The following ATL1 variants were observed in gnomAD, a reference collection of about 807,000 sequenced individuals.
The protein encoded by ATL1 is atlastin-1.
A neutral mutation model predicts 75.5 loss-of-function variants in ATL1; 31 were observed. The observed-to-expected ratio is 0.41, with a 90% confidence interval of 0.31 to 0.55. The LOEUF (loss-of-function observed/expected upper bound fraction) is 0.55. ATL1 is among the 20% of genes least tolerant of loss of function. The pLI, the probability that ATL1 is intolerant of heterozygous loss-of-function variation, is 0.27. For missense variants in ATL1, 405 were observed against 662.6 expected (o/e 0.61, Z 4.27); for synonymous variants, 226 against 233.3 (o/e 0.97, Z 0.28).
At chr14:50,609,175 G>T (rs1229912604) in intron 6 of ATL1, among the ~76,000 whole-genome samples, 1 of 152,038 alleles carries the variant, frequency 6.6e-6, no homozygotes, top group Non-Finnish European at 1.5e-5. Context: ...TTGTTCCCAT[G>T]ACCCTTAATG....
At chr14:50,620,577 A>G (rs1163749108) in intron 8 of ATL1, 22 bp from the exon 9 acceptor site, 4 of 1,607,670 alleles carry the variant, frequency 2.5e-6, no homozygotes, top group Admixed American at 3.3e-5. Flanking sequence ...AAAAATAATA[A>G]TGGATTTGCT....
chr14:50,628,212 A>G lies in ATL1; in HGVS notation c.1301A>G (p.Lys434Arg). Reference sequence around the variant, plus strand: ...GATGAACTTTACATCCAATATATCAAGCACAATGATAGCAAAAATATCTTC... The same window carrying G: ...GATGAACTTTACATCCAATATATCAGGCACAATGATAGCAAAAATATCTTC... ...EIDELYIQYI[K>R]HNDSKNIFHA... is the part of the protein sequence containing the mutation. Residue 434 changes from lysine to arginine, a missense_variant, in exon 12 of 14, where the codon AAG becomes AGG. Lys to Arg is a conservative substitution (Grantham distance 26). Transcript: ENST00000358385. 1 of 1,614,224 alleles carries G rather than the reference A, an allele frequency of 6.2e-7. No individual in the cohort carries two copies. Among genetic ancestry groups the G allele is most frequent in the Non-Finnish European group, 8.5e-7 (1 of 1,180,028 alleles).
rs112767730 is a variant in ATL1 at position 50,603,591 on chromosome 14, G to A, written c.630+7959G>A. 5.0e-3 allele frequency among the ~76,000 whole-genome samples: 754 copies of A among 152,270 alleles called. 2 individuals are homozygous for A. The highest frequency in any genetic ancestry group is 7.3e-3 in the Non-Finnish European group (496 of 68,018). On this transcript the variant is annotated intron_variant, in intron 6 of 13. Transcript: ENST00000358385. The stretch of plus-strand genomic sequence containing the variant: ...GACAATTAGGAATTATTTTACTCTA[G>A]TTTGCTTAATTATGTTTGAGGACCC...
At chr14:50,550,766 A>G (rs1233465979) in intron 1 of ATL1, among the ~76,000 whole-genome samples, 1 of 152,240 alleles carries the variant, frequency 6.6e-6, no homozygotes, top group African/African-American at 2.4e-5. Flanking sequence ...CTATACAAAT[A>G]CATAGAAATT....
At chr14:50,618,711 C>T (rs1018036) in intron 8 of ATL1, among the ~76,000 whole-genome samples, 32,924 of 151,926 alleles carry the variant, frequency 0.22, 4,932 homozygotes, top group African/African-American at 0.43. Flanking sequence ...AAATCACCAA[C>T]CCCAAAGCCT....
At chr14:50,533,858 C>A (rs976807216) in intron 1 of ATL1, among the ~76,000 whole-genome samples, 1 of 152,212 alleles carries the variant, frequency 6.6e-6, no homozygotes, top group Non-Finnish European at 1.5e-5. Context: ...CGCACCTTAA[C>A]AGGACAGGGC....
chr14:50,626,377 C>T (rs1048010293), intron 11 of ATL1, among the ~76,000 whole-genome samples: 2 of 152,174 alleles, frequency 1.3e-5, no homozygotes, highest in Non-Finnish European at 2.9e-5. Flanking sequence ...AAAGTTGATA[C>T]CAACCCTTCT....
chr14:50,558,273 C>T (rs1262439515), upstream of ATL1, among the ~76,000 whole-genome samples: 3 of 152,134 alleles, frequency 2.0e-5, no homozygotes, highest in Non-Finnish European at 2.9e-5. Context: ...GCATGAGAAT[C>T]GCTTGAACCT....
At chr14:50,578,608 CAG>C (rs2039028537) in intron 1 of ATL1, among the ~76,000 whole-genome samples, 1 of 152,032 alleles carries the variant, frequency 6.6e-6, no homozygotes, top group African/African-American at 2.4e-5. Flanking sequence ...ACTTTTTTTT[CAG>C]AGTTATACCA....
chr14:50,550,503 C>G (rs908547239), intron 1 of ATL1, among the ~76,000 whole-genome samples: 13 of 152,132 alleles, frequency 8.5e-5, no homozygotes, highest in African/African-American at 2.7e-4. Context: ...AATGGTATGC[C>G]TTGGGATATT....
intron 1 of ATL1, among the ~76,000 whole-genome samples, chr14:50,565,530 G>T (rs1005981798): frequency 3.3e-5 from 5 of 150,476 alleles, no homozygotes; most frequent in Non-Finnish European, 7.4e-5. Flanking sequence ...TGTATGATAT[G>T]TACTATATAT....
At chr14:50,566,146 C>T (rs985921689) in intron 1 of ATL1, among the ~76,000 whole-genome samples, 5 of 151,986 alleles carry the variant, frequency 3.3e-5, no homozygotes, top group African/African-American at 4.8e-5. Flanking sequence ...TACAGGTGCC[C>T]GCCACCACAC....
chr14:50,632,124 A>G, intron 13 of ATL1, 105 bp from the exon 14 acceptor site: 1 of 677,854 alleles, frequency 1.5e-6, no homozygotes, highest in African/African-American at 1.8e-5. Context: ...AAAGATTTCA[A>G]ATTCAACATG....
At chr14:50,553,076 C>T (rs903517965) in intron 1 of ATL1, among the ~76,000 whole-genome samples, 3 of 152,012 alleles carry the variant, frequency 2.0e-5, no homozygotes, top group Non-Finnish European at 4.4e-5. Context: ...GGGTAGATTA[C>T]TTGAGGTCAG....
chr14:50,564,503 G>T (rs1447439726), intron 1 of ATL1, among the ~76,000 whole-genome samples: 9 of 151,752 alleles, frequency 5.9e-5, no homozygotes, highest in African/African-American at 2.2e-4. Context: ...CAAAAAATTA[G>T]CCGGGTATGG....
chr14:50,602,533 AG>A (rs1482649695), intron 6 of ATL1, among the ~76,000 whole-genome samples: 1 of 152,168 alleles, frequency 6.6e-6, no homozygotes, highest in African/African-American at 2.4e-5. Context: ...TATAGTCTCA[AG>A]ATTCACTTGA....
chr14:50,561,981 G>C (rs2038850911), intron 1 of ATL1, among the ~76,000 whole-genome samples: 1 of 152,052 alleles, frequency 6.6e-6, no homozygotes, highest in South Asian at 2.1e-4. Flanking sequence ...AATGTATTCT[G>C]AGGATTAAAA....
chr14:50,620,775 T>G (rs759502574), intron 9 of ATL1, 49 bp downstream of exon 9: 3 of 1,604,222 alleles, frequency 1.9e-6, no homozygotes, highest in African/African-American at 2.7e-5. Context: ...TGACATATAT[T>G]GGATCGTAAT....
At chr14:50,576,529 G>T (rs960914305) in intron 1 of ATL1, among the ~76,000 whole-genome samples, 2 of 152,118 alleles carry the variant, frequency 1.3e-5, no homozygotes, top group African/African-American at 4.8e-5. Flanking sequence ...TAAGAAAAAA[G>T]AAATCTGGTG....
Sources: allele counts gnomAD v4.1 joint callset (sites outside exome capture counted in the v4.1 genomes callset), GRCh38; gene constraint gnomAD v4.1.1; transcripts MANE v1.5; gene names NCBI Gene and HGNC (gene_info 2026-07-23, HGNC 2026-07-21).